Variants in APBB2 observed in about 807,000 individuals in gnomAD.
The protein encoded by APBB2 is amyloid beta precursor protein binding family B member 2, also known as Fe65-like 1.
Under a neutral mutation model 82.5 loss-of-function variants are expected in APBB2, and 38 were observed. The ratio of observed to expected loss-of-function variants is 0.46; its 90% CI spans 0.36 to 0.60. APBB2 has a LOEUF of 0.60. APBB2 is among the 20% of genes least tolerant of loss of function. The pLI is 0.00. For missense variants in APBB2, 772 were observed against 972.3 expected (o/e 0.79, Z 2.74); for synonymous variants, 341 against 368.2 (o/e 0.93, Z 0.85).
At chr4:41,066,585 G>T (rs1731915406) in intron 3 of APBB2, among the ~76,000 whole-genome samples, 1 of 152,162 alleles carries the variant, frequency 6.6e-6, no homozygotes, top group Non-Finnish European at 1.5e-5. Flanking sequence ...ACAGGTCAGG[G>T]AGGCCTTCCA....
At chr4:41,067,639 T>C (rs770438570) in intron 3 of APBB2, among the ~76,000 whole-genome samples, 1 of 151,996 alleles carries the variant, frequency 6.6e-6, no homozygotes, top group African/African-American at 2.4e-5. Flanking sequence ...AGAACACACA[T>C]AACAGAATGT....
intron 10 of APBB2, among the ~76,000 whole-genome samples, chr4:40,928,428 A>ACCC (rs201061451): frequency 1.8e-5 from 1 of 54,082 alleles, no homozygotes; most frequent in Non-Finnish European, 4.4e-5. Context: ...ACACACACAC[A>ACCC]ATCAGCCAGG....
intron 12 of APBB2, chr4:40,880,315 T>C (rs570079377): frequency 1.0e-6 from 1 of 985,418 alleles, no homozygotes; most frequent in South Asian, 4.7e-5. Context: ...TGACGAACTG[T>C]GCTGCACTAA....
intron 2 of APBB2, among the ~76,000 whole-genome samples, chr4:41,137,365 A>C (rs1757874245): frequency 6.6e-6 from 1 of 152,182 alleles, no homozygotes; most frequent in South Asian, 2.1e-4. Context: ...AATGATTACC[A>C]CCTTTATGAA....
At chr4:40,834,597 G>A (rs1216344434) in intron 12 of APBB2, among the ~76,000 whole-genome samples, 2 of 152,150 alleles carry the variant, frequency 1.3e-5, no homozygotes, top group African/African-American at 4.8e-5. Context: ...ATGCCAACAG[G>A]GGCTTGGCGG....
intron 10 of APBB2, among the ~76,000 whole-genome samples, chr4:40,926,321 C>T (rs969768283): frequency 2.6e-5 from 4 of 152,266 alleles, no homozygotes; most frequent in East Asian, 3.9e-4. Flanking sequence ...TGAAAAGCAC[C>T]GCAAAGGATT....
chr4:40,871,206 G>T (rs1019139115), intron 12 of APBB2, among the ~76,000 whole-genome samples: 1 of 152,010 alleles, frequency 6.6e-6, no homozygotes. Flanking sequence ...CAATGTTGCA[G>T]TCTTGGCTCA....
chr4:40,968,214 T>C (rs1452880383), intron 6 of APBB2, among the ~76,000 whole-genome samples: 1 of 152,186 alleles, frequency 6.6e-6, no homozygotes, highest in African/African-American at 2.4e-5. Flanking sequence ...CTAGTAACAG[T>C]AGGCTGGGAT....
chr4:40,874,157 G>A (rs1173098775), intron 12 of APBB2, among the ~76,000 whole-genome samples: 1 of 152,206 alleles, frequency 6.6e-6, no homozygotes, highest in Non-Finnish European at 1.5e-5. Flanking sequence ...AAACAGCAAT[G>A]TTATATGATT....
chr4:41,049,816 A>G (rs981964172), intron 4 of APBB2, among the ~76,000 whole-genome samples: 2 of 152,102 alleles, frequency 1.3e-5, no homozygotes, highest in Non-Finnish European at 2.9e-5. Flanking sequence ...GGGATGCCTT[A>G]CCCCCAACCC....
intron 10 of APBB2, among the ~76,000 whole-genome samples, chr4:40,916,250 A>G (rs1397932581): frequency 6.6e-6 from 1 of 152,238 alleles, no homozygotes; most frequent in Non-Finnish European, 1.5e-5. Flanking sequence ...AATTAAGGCT[A>G]GAAACCTAAC....
chr4:40,875,249 C>G lies in APBB2; in HGVS notation c.1529+15115G>C, dbSNP rs185463869. Among the ~76,000 whole-genome samples the G allele has an allele frequency of 1.3e-3, 197 of 152,270 alleles. 1 individual carries two copies. The highest frequency in any genetic ancestry group is 4.6e-3 in the African/African-American group (192 of 41,548). On this transcript the variant is annotated intron_variant, in intron 12 of 17. Transcript: ENST00000508593. ...ATGGGAGTTAAAGATCAGGGGTGGACAAACAGGTATAAGAAGTAGTTAAGA... is the reference window on the plus strand; with the variant it reads ...ATGGGAGTTAAAGATCAGGGGTGGAGAAACAGGTATAAGAAGTAGTTAAGA...
chr4:40,818,608 G>A (rs772397119), intron 17 of APBB2, among the ~76,000 whole-genome samples: 1 of 151,870 alleles, frequency 6.6e-6, no homozygotes, highest in Non-Finnish European at 1.5e-5. Context: ...CCTGTACCTG[G>A]TCAGTGGGTT....
At chr4:41,008,592 A>G (rs1348383764) in intron 6 of APBB2, among the ~76,000 whole-genome samples, 1 of 152,220 alleles carries the variant, frequency 6.6e-6, no homozygotes, top group Non-Finnish European at 1.5e-5. Context: ...TAATTAAGAG[A>G]AAAGCAAACT....
At chr4:41,052,023 T>A (rs1489625184) in intron 4 of APBB2, among the ~76,000 whole-genome samples, 1 of 152,132 alleles carries the variant, frequency 6.6e-6, no homozygotes, top group East Asian at 1.9e-4. Context: ...GTGTAAGTGT[T>A]AACTGTCACC....
At chr4:40,906,484 A>AAG (rs1377229880) in intron 10 of APBB2, among the ~76,000 whole-genome samples, 11 of 141,540 alleles carry the variant, frequency 7.8e-5, no homozygotes, top group African/African-American at 1.5e-4. Flanking sequence ...AAAAAAAAAA[A>AAG]AAAAGAAAAG....
rs1040896818 is a variant in APBB2 at position 40,861,877 on chromosome 4, C to T, written c.1529+28487G>A. On this transcript the variant is annotated intron_variant, in intron 12 of 17. Coordinates refer to ENST00000508593, the MANE Select transcript of APBB2 (RefSeq NM_004307.2). The stretch of plus-strand genomic sequence containing the variant: ...TTATGATACACTTTAAAAAGCCAGA[C>T]ATGCTTTAAATAAAAATATGGAAAC... Among the ~76,000 whole-genome samples the T allele has an allele frequency of 2.6e-5, 4 of 152,156 alleles. 1 individual carries two copies. Among genetic ancestry groups the T allele is most frequent in the Admixed American group, 2.0e-4 (3 of 15,278 alleles).
chr4:40,970,793 G>A (rs1430286000), intron 6 of APBB2, among the ~76,000 whole-genome samples: 1 of 152,158 alleles, frequency 6.6e-6, no homozygotes, highest in African/African-American at 2.4e-5. Flanking sequence ...AACCTGGCCA[G>A]TTTTAGCACT....
chr4:40,973,641 A>G (rs1025395479), intron 6 of APBB2, among the ~76,000 whole-genome samples: 4 of 152,186 alleles, frequency 2.6e-5, no homozygotes, highest in African/African-American at 9.7e-5. Context: ...GAAGGCAAAA[A>G]GTCTAAAATC....
Sources: allele counts gnomAD v4.1 joint callset (sites outside exome capture counted in the v4.1 genomes callset), GRCh38; gene constraint gnomAD v4.1.1; transcripts MANE v1.5; gene names NCBI Gene and HGNC (gene_info 2026-07-23, HGNC 2026-07-21).